ZBTB20: variants seen among roughly 807,000 people sequenced by gnomAD.
ZBTB20 encodes the protein zinc finger and BTB domain containing 20, also known as zinc finger and BTB domain-containing protein 20.
A neutral mutation model predicts 56.9 loss-of-function variants in ZBTB20; 9 were observed. That is an observed-to-expected ratio of 0.16 (90% CI 0.10 to 0.28). The LOEUF is 0.28. ZBTB20 is among the 10% of genes least tolerant of loss of function. ZBTB20 has a pLI of 1.00. For missense variants in ZBTB20, 655 were observed against 1,003.0 expected (o/e 0.65, Z 4.69); for synonymous variants, 417 against 420.7 (o/e 0.99, Z 0.11).
At chr3:115,020,864 G>A (rs1443709019) in intron 2 of ZBTB20, among the ~76,000 whole-genome samples, 3 of 150,912 alleles carry the variant, frequency 2.0e-5, no homozygotes, top group African/African-American at 4.8e-5. Context: ...TATTATAAAT[G>A]AAAGACTTCC....
chr3:114,501,488 T>A (rs986273817), intron 6 of ZBTB20, among the ~76,000 whole-genome samples: 3 of 151,230 alleles, frequency 2.0e-5, no homozygotes, highest in African/African-American at 4.9e-5. Flanking sequence ...TAGCCAGGCA[T>A]GGTGGCGGGC....
At chr3:114,446,284 T>G (rs1196701862) in intron 7 of ZBTB20, among the ~76,000 whole-genome samples, 1 of 152,176 alleles carries the variant, frequency 6.6e-6, no homozygotes, top group East Asian at 1.9e-4. Flanking sequence ...GATTGTTCTC[T>G]CCTGGTTATT....
chr3:114,428,459 A>C (rs2089874909), intron 7 of ZBTB20, among the ~76,000 whole-genome samples: 1 of 152,208 alleles, frequency 6.6e-6, no homozygotes, highest in African/African-American at 2.4e-5. Flanking sequence ...AGTGCCCTGA[A>C]GGGGCCCAGA....
chr3:114,994,458 G>A (rs907730176), intron 2 of ZBTB20, among the ~76,000 whole-genome samples: 4 of 151,814 alleles, frequency 2.6e-5, no homozygotes, highest in East Asian at 1.9e-4. Flanking sequence ...AGAGCACTTA[G>A]TGTCTTAGTA....
intron 4 of ZBTB20, among the ~76,000 whole-genome samples, chr3:114,854,333 G>T (rs115715588): frequency 0.024 from 3,643 of 151,402 alleles, 53 homozygotes; most frequent in South Asian, 0.051. Context: ...GAGGCTAACA[G>T]GGAAGTTATA....
At chr3:114,855,591 C>A (rs1458117371) in intron 4 of ZBTB20, among the ~76,000 whole-genome samples, 2 of 152,124 alleles carry the variant, frequency 1.3e-5, no homozygotes, top group African/African-American at 4.8e-5. Flanking sequence ...GGCCAGAGAG[C>A]AAGAAGGAGG....
chr3:114,342,711 C>A (rs546630737), intron 11 of ZBTB20, among the ~76,000 whole-genome samples: 1 of 152,276 alleles, frequency 6.6e-6, no homozygotes, highest in South Asian at 2.1e-4. Context: ...CCATTCATCA[C>A]AAAGGAACCA....
rs529572103 is a variant in ZBTB20 at position 114,550,281 on chromosome 3, C to T, written c.-294-49890G>A. On this transcript the variant is annotated intron_variant, in intron 6 of 11. Coordinates refer to ENST00000675478, the MANE Select transcript of ZBTB20 (RefSeq NM_001348800.3). ...TTTTTCTTCCCTTATCAAATTCCAT[C>T]TCATTTTTCTTACGCAATTAAAATA... Among the ~76,000 whole-genome samples, 27 of 152,236 alleles carry T rather than the reference C, an allele frequency of 1.8e-4. No homozygotes were observed. In the South Asian group the frequency reaches 5.2e-3, roughly 29 times the overall value.
At chr3:114,987,243 A>G (rs2078586571) in intron 2 of ZBTB20, among the ~76,000 whole-genome samples, 1 of 152,186 alleles carries the variant, frequency 6.6e-6, no homozygotes, top group Non-Finnish European at 1.5e-5. Flanking sequence ...GATGGTTGAA[A>G]TATCCATTTT....
chr3:115,126,678 T>C (rs1044949187), intron 1 of ZBTB20, among the ~76,000 whole-genome samples: 1 of 152,156 alleles, frequency 6.6e-6, no homozygotes, highest in Non-Finnish European at 1.5e-5. Flanking sequence ...TTTGTGACCA[T>C]CTGCAGGAGT....
chr3:114,786,295 C>A (rs2070486236), intron 5 of ZBTB20, among the ~76,000 whole-genome samples: 1 of 151,930 alleles, frequency 6.6e-6, no homozygotes, highest in East Asian at 1.9e-4. Context: ...CTTCCCCAGA[C>A]CCCCACTCCC....
At chr3:114,843,433 G>A (rs185467354) in intron 4 of ZBTB20, among the ~76,000 whole-genome samples, 101 of 152,172 alleles carry the variant, frequency 6.6e-4, no homozygotes, top group Admixed American at 1.2e-3. Context: ...GAAAAATTAC[G>A]CAAATCTGCC....
intron 2 of ZBTB20, among the ~76,000 whole-genome samples, chr3:115,042,232 T>A (rs950081173): frequency 3.9e-5 from 6 of 152,214 alleles, no homozygotes; most frequent in African/African-American, 1.4e-4. Flanking sequence ...AAAGCTCAAT[T>A]TAGTGTTCCA....
intron 6 of ZBTB20, among the ~76,000 whole-genome samples, chr3:114,626,366 GAATCA>G (rs1360549900): frequency 6.6e-6 from 1 of 152,150 alleles, no homozygotes; most frequent in Admixed American, 6.5e-5. Flanking sequence ...TGTAAGCACT[GAATCA>G]ATGTTCATTA....
chr3:115,027,781 ATCT>A (rs749086714), intron 2 of ZBTB20, among the ~76,000 whole-genome samples: 1 of 150,900 alleles, frequency 6.6e-6, no homozygotes, highest in East Asian at 1.9e-4. Flanking sequence ...TCAGGACATA[ATCT>A]TCTAAGAAAA....
At chr3:114,506,674 T>C (rs1001406930) in intron 6 of ZBTB20, among the ~76,000 whole-genome samples, 2 of 152,182 alleles carry the variant, frequency 1.3e-5, no homozygotes, top group East Asian at 1.9e-4. Context: ...CTTTGACTTA[T>C]AGTAAACTGA....
intron 6 of ZBTB20, among the ~76,000 whole-genome samples, chr3:114,531,482 T>C (rs1210006691): frequency 1.3e-5 from 2 of 152,178 alleles, no homozygotes; most frequent in African/African-American, 2.4e-5. Context: ...AGAAAAAGAC[T>C]TTCATACCCT....
chr3:114,751,089 T>A (rs1431161660), intron 5 of ZBTB20, among the ~76,000 whole-genome samples: 1 of 152,204 alleles, frequency 6.6e-6, no homozygotes, highest in East Asian at 1.9e-4. Flanking sequence ...CTACTGTGTG[T>A]CAAACATTAG....
chr3:114,672,871 A>G (rs1488043070), intron 6 of ZBTB20, among the ~76,000 whole-genome samples: 1 of 152,162 alleles, frequency 6.6e-6, no homozygotes, highest in African/African-American at 2.4e-5. Flanking sequence ...AAATATGGGT[A>G]AACATCACGT....
Sources: allele counts gnomAD v4.1 joint callset (sites outside exome capture counted in the v4.1 genomes callset), GRCh38; gene constraint gnomAD v4.1.1; transcripts MANE v1.5; gene names NCBI Gene and HGNC (gene_info 2026-07-23, HGNC 2026-07-21).